RIMS2: variants seen among roughly 807,000 people sequenced by gnomAD.
RIMS2 encodes regulating synaptic membrane exocytosis 2.
RIMS2 carries 59 observed loss-of-function variants against 174.4 expected under a neutral mutation model. The observed-to-expected ratio is 0.34, with a 90% confidence interval of 0.27 to 0.42. The LOEUF (loss-of-function observed/expected upper bound fraction) is 0.42. Among genes scored for constraint, RIMS2 ranks in the 10% least tolerant of loss-of-function variants. The pLI is 1.00. For synonymous variants in RIMS2, 606 were observed against 572.5 expected (o/e 1.06, Z -0.84); for missense variants, 1,620 against 1,666.3 (o/e 0.97, Z 0.48).
At chr8:103,611,885 C>T (rs911348317) in intron 1 of RIMS2, among the ~76,000 whole-genome samples, 11 of 152,094 alleles carry the variant, frequency 7.2e-5, no homozygotes, top group African/African-American at 2.2e-4. Context: ...TCTTTCTCTA[C>T]CTCTTCTTTA....
At chr8:103,772,408 A>G (rs1046409277) in intron 3 of RIMS2, among the ~76,000 whole-genome samples, 3 of 152,082 alleles carry the variant, frequency 2.0e-5, no homozygotes, top group African/African-American at 7.2e-5. Flanking sequence ...AATACAAAAT[A>G]CATTTATACT....
intron 16 of RIMS2, among the ~76,000 whole-genome samples, chr8:103,980,237 A>T (rs986183241): frequency 5.9e-5 from 9 of 152,164 alleles, no homozygotes; most frequent in Admixed American, 3.3e-4. Flanking sequence ...CATCTTGCAT[A>T]CCAGCTCAGC....
chr8:103,839,040 G>A (rs952536536), intron 3 of RIMS2, among the ~76,000 whole-genome samples: 11 of 152,104 alleles, frequency 7.2e-5, no homozygotes, highest in Admixed American at 6.6e-4. Flanking sequence ...ACTCCAGCCC[G>A]TGCGACAGGG....
At chr8:104,221,103 T>C (rs2099152883) in intron 19 of RIMS2, among the ~76,000 whole-genome samples, 1 of 152,198 alleles carries the variant, frequency 6.6e-6, no homozygotes, top group East Asian at 1.9e-4. Flanking sequence ...AACAGCTGTT[T>C]CCTCTTAAAT....
At chr8:103,942,839 G>C (rs768102878) in exon 14 of RIMS2, 20 of 1,612,552 alleles carry the variant, frequency 1.2e-5, no homozygotes, top group Non-Finnish European at 1.6e-5. Context: ...TCAGACGCAT[G>C]ATGTCTCTTC....
intron 3 of RIMS2, among the ~76,000 whole-genome samples, chr8:103,800,032 C>T (rs1184601596): frequency 6.6e-6 from 1 of 152,098 alleles, no homozygotes; most frequent in East Asian, 1.9e-4. Context: ...AAGTATGAAT[C>T]CCAAGTTTTA....
exon 8 of RIMS2, chr8:103,916,464 G>A (rs772472518): frequency 2.5e-6 from 4 of 1,610,320 alleles, no homozygotes; most frequent in African/African-American, 1.3e-5. Context: ...AGCCACATTT[G>A]AGGAAGTGTA....
intron 1 of RIMS2, among the ~76,000 whole-genome samples, chr8:103,693,208 T>C (rs1375725174): frequency 6.6e-6 from 1 of 152,120 alleles, no homozygotes; most frequent in Non-Finnish European, 1.5e-5. Context: ...AACTCTCCCT[T>C]CCATAAGTTC....
rs1216333752 is a variant in RIMS2 at position 103,834,744 on chromosome 8, C to CTTTCTTTCTT, written c.699-50553_699-50552insTTCTTTCTTT. On this transcript the variant is annotated intron_variant, in intron 3 of 23. Coordinates refer to ENST00000504942, the Ensembl canonical transcript of RIMS2. ...TCTTTCTTTCTTTCTTTCTTTCTTT[C>CTTTCTTTCTT]TCTCTCTTTCTTTTTCTCTCTCTCT... Among the ~76,000 whole-genome samples the CTTTCTTTCTT allele has an allele frequency of 6.8e-3, 711 of 105,230 alleles. 17 individuals carry two copies. Among genetic ancestry groups the CTTTCTTTCTT allele is most frequent in the African/African-American group, 0.023 (641 of 27,790 alleles). The allele number at this position is 105,230 out of a possible 152,430, so 69.0% of individuals were successfully genotyped here. A position where few individuals can be genotyped will look rare whatever the true frequency, so the allele number is the denominator to read the frequency against.
At chr8:103,850,191 A>C (rs1407172963) in intron 3 of RIMS2, among the ~76,000 whole-genome samples, 1 of 152,038 alleles carries the variant, frequency 6.6e-6, no homozygotes, top group African/African-American at 2.4e-5. Flanking sequence ...TCTAGTCTTT[A>C]CTGTTTAAAT....
chr8:103,985,448 TG>T (rs2094277342), intron 16 of RIMS2, among the ~76,000 whole-genome samples: 1 of 109,432 alleles, frequency 9.1e-6, no homozygotes. Context: ...CACTCCAGCC[TG>T]GGCAACAAAG....
Position 104,125,647 on chromosome 8 carries a change from A to T in RIMS2, c.3334+111032A>T, listed in dbSNP as rs543625620. On this transcript the variant is annotated intron_variant, in intron 19 of 23. Coordinates refer to ENST00000504942, the Ensembl canonical transcript of RIMS2. Reference sequence around the variant, plus strand: ...AATGATCCTAGAGAATAATTTTTTTAAAATTGATATGTTAATGATGACCAA... The same window carrying T: ...AATGATCCTAGAGAATAATTTTTTTTAAATTGATATGTTAATGATGACCAA... Among the ~76,000 whole-genome samples the T allele has an allele frequency of 2.3e-3, 356 of 152,266 alleles. 2 individuals carry two copies. Among genetic ancestry groups the T allele is most frequent in the South Asian group, 0.012 (60 of 4,824 alleles).
intron 19 of RIMS2, among the ~76,000 whole-genome samples, chr8:104,229,149 A>G (rs1449484217): frequency 6.6e-6 from 1 of 152,222 alleles, no homozygotes; most frequent in African/African-American, 2.4e-5. Context: ...TTCCCTGTAG[A>G]AACATCTTAT....
chr8:104,230,926 G>T (rs894157406), intron 19 of RIMS2, among the ~76,000 whole-genome samples: 48 of 152,006 alleles, frequency 3.2e-4, no homozygotes, highest in African/African-American at 1.2e-3. Flanking sequence ...AAATCTGGTT[G>T]TTTACTTAAA....
At chr8:103,782,744 T>A (rs1272667455) in intron 3 of RIMS2, among the ~76,000 whole-genome samples, 1 of 152,158 alleles carries the variant, frequency 6.6e-6, no homozygotes, top group Non-Finnish European at 1.5e-5. Flanking sequence ...CATAAGTGAG[T>A]CAAACTGAGC....
chr8:103,976,935 A>G (rs1008621162), intron 16 of RIMS2: 3 of 152,238 alleles, frequency 2.0e-5, no homozygotes, highest in African/African-American at 4.8e-5. Flanking sequence ...TTAAGTACAG[A>G]CAAGCTTAAT....
At chr8:104,151,475 A>T (rs144414792) in intron 19 of RIMS2, among the ~76,000 whole-genome samples, 1 of 152,244 alleles carries the variant, frequency 6.6e-6, no homozygotes, top group African/African-American at 2.4e-5. Context: ...AGGCTGAGGC[A>T]TGAGAATTGC....
At chr8:104,141,681 A>C (rs1312159655) in intron 19 of RIMS2, among the ~76,000 whole-genome samples, 1 of 152,184 alleles carries the variant, frequency 6.6e-6, no homozygotes, top group Admixed American at 6.5e-5. Context: ...CCTTCACTTC[A>C]TTCCATTTAT....
Position 103,600,458 on chromosome 8 carries a change from A to G in RIMS2, c.177-96628A>G, listed in dbSNP as rs541329718. Among the ~76,000 whole-genome samples the G allele has an allele frequency of 3.3e-5, 5 of 152,076 alleles. No homozygotes were observed. In the East Asian group the frequency reaches 7.8e-4, roughly 24 times the overall value. ...CTAATTTTTTGTATTTTTAGTAGAC[A>G]TGGGGTTTTGCCATATTGGCGAGGC... On this transcript the variant is annotated intron_variant, in intron 1 of 23. Coordinates refer to ENST00000504942, the Ensembl canonical transcript of RIMS2.
Sources: gnomAD v4.1 joint callset for allele counts (sites outside exome capture counted in the v4.1 genomes callset) on GRCh38, gnomAD v4.1.1 for gene constraint, MANE v1.5 for transcripts, NCBI Gene and HGNC (gene_info 2026-07-23, HGNC 2026-07-21) for gene names.